Variants in NCOR2 observed in about 807,000 individuals in gnomAD.
NCOR2 encodes the protein nuclear receptor corepressor 2.
A neutral mutation model predicts 262.9 loss-of-function variants in NCOR2; 81 were observed. The ratio of observed to expected loss-of-function variants is 0.31; its 90% CI spans 0.26 to 0.37. NCOR2 has a LOEUF of 0.37. Ranked by LOEUF, NCOR2 falls within the 10% of genes least tolerant of loss-of-function variation. The pLI is 1.00. For missense variants in NCOR2, 3,385 were observed against 3,621.4 expected, an observed-to-expected ratio of 0.93 and a Z score of 1.68; for synonymous variants, 1,659 against 1,559.3, an observed-to-expected ratio of 1.06 and a Z score of -1.51.
In NCOR2 at chr12:124,443,072, C is replaced by T. The variant is rs2044917793; in HGVS notation, c.816-5076G>A. 6.6e-6 allele frequency among the ~76,000 whole-genome samples: 1 copy of T among 152,254 alleles called. No individual in the cohort carries two copies. Among genetic ancestry groups the T allele is most frequent in the Non-Finnish European group, 1.5e-5 (1 of 68,044 alleles). ...GGTCCTGCAGCACCTTGATTTCCAA[C>T]TGCTGGCCTCCAGTACTGTGAGAGA... On this transcript the variant is annotated intron_variant, in intron 7 of 46. Transcript: ENST00000405201. This position sits in a 1 kb window ranked among gnomAD's most constrained non-coding sequence, Gnocchi z 4.4.
chr12:124,334,813 C>T (rs1259485564), intron 40 of NCOR2, 196 bp from the exon 43 acceptor site: 1 of 598,408 alleles, frequency 1.7e-6, no homozygotes, highest in Non-Finnish European at 2.9e-6. Context: ...TCAGCGGTCC[C>T]AAGCTGGTAG....
chr12:124,426,478 C>T, intron 11 of NCOR2, 144 bp downstream of exon 13: 1 of 776,196 alleles, frequency 1.3e-6, no homozygotes, highest in Non-Finnish European at 1.8e-6. Context: ...GACTTCCGGC[C>T]TCCACAACCA....
chr12:124,404,271 T>C (rs1354888466), intron 13 of NCOR2, among the ~76,000 whole-genome samples: 1 of 152,162 alleles, frequency 6.6e-6, no homozygotes, highest in African/African-American at 2.4e-5. Context: ...CCGGCATGGA[T>C]GCCGTCTCCC....
rs951023945 is a variant in NCOR2, at chr12:124,466,021, C to T, written c.705+152G>A. On this transcript the variant is annotated intron_variant, in intron 5 of 46. Transcript: ENST00000405201. ...TGGCTTTCCACCGGTCACCTTCCCC[C>T]ACCCACTCATAAACCCTGCGTCTCT... is the stretch of plus-strand genomic sequence containing the variant. 1.5e-5 allele frequency: 11 copies of T among 738,338 alleles called. No homozygotes were observed. In the African/African-American group the frequency reaches 1.6e-4, roughly 11 times the overall value. 45.7% of individuals were successfully genotyped at this position (738,338 alleles called of 1,614,324 possible).
chr12:124,404,034 T>A (rs1163324937), intron 13 of NCOR2, among the ~76,000 whole-genome samples: 3 of 152,208 alleles, frequency 2.0e-5, no homozygotes, highest in African/African-American at 7.2e-5. Flanking sequence ...CATCCTGGGA[T>A]CAACCTGTTC....
chr12:124,356,958 C>A (rs1157844024), intron 22 of NCOR2, 176 bp from the exon 25 acceptor site: 3 of 720,762 alleles, frequency 4.2e-6, no homozygotes, highest in Non-Finnish European at 6.1e-6. Context: ...TGCTCTGTAA[C>A]CCCATGGTAT....
At chr12:124,499,295 G>A (rs947753118), upstream of NCOR2, among the ~76,000 whole-genome samples, 5 of 152,244 alleles carry the variant, frequency 3.3e-5, no homozygotes, top group Admixed American at 1.3e-4. Context: ...TCGCCGCTGC[G>A]TCTGGCTGCG....
rs912437824 is a variant in NCOR2 at position 124,484,777 on chromosome 12, C to T, written c.234-1004G>A. Among the ~76,000 whole-genome samples the T allele has an allele frequency of 2.0e-5, 3 of 152,224 alleles. No homozygotes were observed. In the South Asian group the frequency reaches 6.2e-4, roughly 31 times the overall value. On this transcript the variant is annotated intron_variant, in intron 2 of 46. Coordinates refer to ENST00000405201, the Ensembl canonical transcript of NCOR2. ...GCTCTCTCTCCACTGCCCTCCCACG[C>T]GCTTGGTGACAACAGGTGTTTCCTG...
chr12:124,350,675 C>G, exon 28 of NCOR2: 1 of 1,613,756 alleles, frequency 6.2e-7, no homozygotes, highest in South Asian at 1.1e-5. Context: ...CCAAGCGACT[C>G]GGGCTGTCCT....
rs2044016410 is a variant in NCOR2 at position 124,432,451 on chromosome 12, A to T, written c.883-1664T>A. Among the ~76,000 whole-genome samples, 1 of 152,068 alleles carries T rather than the reference A, an allele frequency of 6.6e-6. No homozygotes were observed. Among genetic ancestry groups the T allele is most frequent in the Non-Finnish European group, 1.5e-5 (1 of 68,026 alleles). On this transcript the variant is annotated intron_variant, in intron 8 of 46. Coordinates refer to ENST00000405201, the Ensembl canonical transcript of NCOR2. The surrounding 1 kb of genome is among the most constrained non-coding windows in gnomAD (Gnocchi z 5.1). Reference sequence around the variant, plus strand: ...TCAACTGAAATCACAAATCCAGTAAAATTTAAGAGTCGGGCTCTAGTTCTC... The same window carrying T: ...TCAACTGAAATCACAAATCCAGTAATATTTAAGAGTCGGGCTCTAGTTCTC...
intron 17 of NCOR2, among the ~76,000 whole-genome samples, chr12:124,384,347 C>T (rs2040634902): frequency 6.6e-6 from 1 of 152,220 alleles, no homozygotes; most frequent in African/African-American, 2.4e-5. Flanking sequence ...AACCAGAAGG[C>T]CCGAAGCATC....
At chr12:124,330,322 A>G (rs1213788610) in intron 44 of NCOR2, among the ~76,000 whole-genome samples, 1 of 152,206 alleles carries the variant, frequency 6.6e-6, no homozygotes, top group Non-Finnish European at 1.5e-5. Flanking sequence ...AGTCCAAAAG[A>G]TCATAGAAGT....
At chr12:124,426,427 G>C (rs567254449) in intron 11 of NCOR2, among the ~76,000 whole-genome samples, 195 bp downstream of exon 13, 2 of 152,200 alleles carry the variant, frequency 1.3e-5, no homozygotes, top group African/African-American at 2.4e-5. Context: ...TCTCCCTTAC[G>C]GCCCCCAGAA....
intron 11 of NCOR2, among the ~76,000 whole-genome samples, chr12:124,423,339 C>G (rs1471811265): frequency 6.6e-6 from 1 of 152,216 alleles, no homozygotes; most frequent in Non-Finnish European, 1.5e-5. Context: ...GCAGGGAGAG[C>G]AGCGGCTGGC....
exon 22 of NCOR2, chr12:124,362,253 G>A (rs1280779304): frequency 7.6e-7 from 1 of 1,317,420 alleles, no homozygotes. Context: ...CTGGCTTGGT[G>A]GGAGCTGCGT....
chr12:124,375,472 A>C (rs1259162996), intron 18 of NCOR2, among the ~76,000 whole-genome samples: 1 of 152,160 alleles, frequency 6.6e-6, no homozygotes, highest in Non-Finnish European at 1.5e-5. Context: ...GGGGCCCAAG[A>C]ATCAGCACTT....
intron 1 of NCOR2, among the ~76,000 whole-genome samples, chr12:124,528,310 T>C (rs1257465270): frequency 6.6e-6 from 1 of 152,180 alleles, no homozygotes; most frequent in Non-Finnish European, 1.5e-5. Context: ...CTGATGTAAT[T>C]AGGCACCCCG....
chr12:124,520,392 C>T (rs1213767660), intron 1 of NCOR2, among the ~76,000 whole-genome samples: 2 of 152,158 alleles, frequency 1.3e-5, no homozygotes, highest in East Asian at 1.9e-4. Flanking sequence ...TGAGAGCGGC[C>T]GAGTCAGGCC....
At chr12:124,329,339 G>A (rs1428395567) in intron 44 of NCOR2, among the ~76,000 whole-genome samples, 1 of 151,964 alleles carries the variant, frequency 6.6e-6, no homozygotes, top group Middle Eastern at 3.2e-3. Flanking sequence ...GCGGGTGTCT[G>A]TAATCCCGCT....
Sources: gnomAD v4.1 joint callset for allele counts (sites outside exome capture counted in the v4.1 genomes callset) on GRCh38, gnomAD v4.1.1 for gene constraint, Gnocchi (gnomAD v3.1) non-coding constraint, MANE v1.5 for transcripts, NCBI Gene and HGNC (gene_info 2026-07-23, HGNC 2026-07-21) for gene names.